Variants in LRPPRC observed in about 807,000 individuals in gnomAD.
LRPPRC encodes leucine-rich PPR motif-containing protein, mitochondrial.
In LRPPRC, 120 loss-of-function variants were observed where a neutral mutation model predicts 180.3. The ratio of observed to expected loss-of-function variants is 0.67; its 90% CI spans 0.57 to 0.77. LRPPRC has a LOEUF of 0.77. Ranked by LOEUF, LRPPRC falls within the 30% of genes least tolerant of loss-of-function variation. The probability of loss-of-function intolerance (pLI) is 0.00; values close to 1 mark genes in which losing one functional copy is unlikely to be tolerated. For synonymous variants in LRPPRC, 723 were observed against 600.0 expected, an observed-to-expected ratio of 1.21 and a Z score of -3.00; for missense variants, 2,012 against 1,657.2, an observed-to-expected ratio of 1.21 and a Z score of -3.72.
At chr2:43,980,598 GAGAA>G (rs887472271) in intron 2 of LRPPRC, among the ~76,000 whole-genome samples, 3 of 116,376 alleles carry the variant, frequency 2.6e-5, no homozygotes, top group Admixed American at 8.4e-5. Context: ...GAGAGAGAGA[GAGAA>G]AGAAAGAATA....
Position 43,992,585 on chromosome 2 carries a change from A to T in LRPPRC, c.149+3214T>A, listed in dbSNP as rs550009959. ...AAATGACATGATCAAATTATCAGGGAGACTAGGGAATGATGAAGGGGCTGG... is the reference window on the plus strand; with the variant it reads ...AAATGACATGATCAAATTATCAGGGTGACTAGGGAATGATGAAGGGGCTGG... On this transcript the variant is annotated intron_variant, in intron 1 of 37. Transcript: ENST00000260665. 2.6e-5 allele frequency among the ~76,000 whole-genome samples: 4 copies of T among 152,334 alleles called. No homozygotes were observed. The South Asian group carries it at 8.3e-4, about 32-fold the overall frequency.
chr2:43,949,826 AAAT>A (rs1429334475), intron 15 of LRPPRC, among the ~76,000 whole-genome samples, 167 bp from the exon 16 acceptor site: 3 of 152,196 alleles, frequency 2.0e-5, no homozygotes, highest in African/African-American at 7.2e-5. Flanking sequence ...TTTTGTTTTT[AAAT>A]AATAGGTTTG....
At chr2:43,974,789 A>C in intron 7 of LRPPRC, 31 bp from the exon 8 acceptor site, 1 of 1,605,822 alleles carries the variant, frequency 6.2e-7, no homozygotes, top group Non-Finnish European at 8.5e-7. Context: ...TAGAAGACAA[A>C]GTTAGAGTGT....
At chr2:43,970,717 C>A (rs1269091979) in intron 11 of LRPPRC, among the ~76,000 whole-genome samples, 4 of 152,230 alleles carry the variant, frequency 2.6e-5, no homozygotes, top group Non-Finnish European at 5.9e-5. Flanking sequence ...GCCTGAACAA[C>A]TTTCACCAAC....
intron 1 of LRPPRC, among the ~76,000 whole-genome samples, chr2:43,984,427 C>T (rs953101615): frequency 3.3e-5 from 5 of 152,168 alleles, no homozygotes; most frequent in African/African-American, 4.8e-5. Flanking sequence ...TAAACTAGCA[C>T]ATTGTTCTGA....
chr2:43,995,647 G>A (rs1559081760), intron 1 of LRPPRC, 152 bp downstream of exon 1: 2 of 709,018 alleles, frequency 2.8e-6, no homozygotes, highest in Non-Finnish European at 2.0e-6. Flanking sequence ...GAAAACCCCT[G>A]GTAGGGAGCG....
chr2:43,901,651 T>C (rs2104993741), intron 31 of LRPPRC, 127 bp from the exon 32 acceptor site: 1 of 685,702 alleles, frequency 1.5e-6, no homozygotes, highest in East Asian at 2.7e-5. Context: ...TAATTAATTT[T>C]AGATTACAGA....
chr2:43,912,097 G>A (rs1334777341), intron 30 of LRPPRC, among the ~76,000 whole-genome samples: 3 of 152,098 alleles, frequency 2.0e-5, no homozygotes, highest in Non-Finnish European at 4.4e-5. Context: ...GTTTTCTCAG[G>A]CTGCTCCCAC....
intron 31 of LRPPRC, 31 bp downstream of exon 31, chr2:43,905,661 T>A (rs1481443090): frequency 6.8e-7 from 1 of 1,478,204 alleles, no homozygotes; most frequent in Non-Finnish European, 9.5e-7. Context: ...GAGGCATTAA[T>A]GTGACGTAAA....
intron 18 of LRPPRC, 98 bp downstream of exon 18, chr2:43,948,021 ATTT>A: frequency 1.2e-6 from 1 of 862,858 alleles, no homozygotes; most frequent in Non-Finnish European, 1.9e-6. Flanking sequence ...ATTGAAACAA[ATTT>A]TTTTTCTGAC....
chr2:43,925,510 T>C (rs1161286903), intron 26 of LRPPRC, among the ~76,000 whole-genome samples: 2 of 152,170 alleles, frequency 1.3e-5, no homozygotes, highest in Admixed American at 6.5e-5. Context: ...CTTTACACTC[T>C]TCTTGCCCTG....
intron 1 of LRPPRC, among the ~76,000 whole-genome samples, chr2:43,986,538 T>C (rs1674534204): frequency 6.6e-6 from 1 of 152,206 alleles, no homozygotes; most frequent in East Asian, 1.9e-4. Context: ...TAGATACAGG[T>C]AGAAGACAGA....
rs765058457 is a variant in LRPPRC at position 43,982,427 on chromosome 2, G to A, written c.157C>T (p.Leu53=). The change falls in exon 2 of 38, where the codon CTG becomes TTG. Residue 53 remains leucine (L), a synonymous_variant. Coordinates refer to ENST00000260665, the MANE Select transcript of LRPPRC (RefSeq NM_133259.4). ...ARAGPVAGGL[L]SPARLYAIAA... Reference sequence around the variant, plus strand: ...ATGGCATACAGCCTGGCTGGGCTCAGTAGTCCTCTAAAAAATGAAACATAA... The same window carrying A: ...ATGGCATACAGCCTGGCTGGGCTCAATAGTCCTCTAAAAAATGAAACATAA... 3 of 1,611,506 alleles carry A rather than the reference G, an allele frequency of 1.9e-6. No individual in the cohort carries two copies. The highest frequency in any genetic ancestry group is 2.5e-6 in the Non-Finnish European group (3 of 1,177,708).
intron 1 of LRPPRC, among the ~76,000 whole-genome samples, chr2:43,995,163 C>G (rs1255774775): frequency 1.3e-5 from 2 of 152,168 alleles, no homozygotes; most frequent in Non-Finnish European, 1.5e-5. Context: ...ATCGCTTGAA[C>G]CCGGGAAGCG....
At chr2:43,988,461 G>A (rs1022205375) in intron 1 of LRPPRC, among the ~76,000 whole-genome samples, 4 of 152,074 alleles carry the variant, frequency 2.6e-5, no homozygotes, top group Admixed American at 2.0e-4. Context: ...GCTTGAACCT[G>A]GGAGGCAGAG....
At chr2:43,937,452 A>G (rs2105065539) in intron 23 of LRPPRC, among the ~76,000 whole-genome samples, 1 of 152,342 alleles carries the variant, frequency 6.6e-6, no homozygotes, top group Non-Finnish European at 1.5e-5. Flanking sequence ...CATTCCCCAC[A>G]TAATTTATGT....
At position 43,887,142 on chromosome 2, in the gene LRPPRC, TCAAA is replaced by T. The variant is rs1670296379; in HGVS notation, c.*1454_*1457del. 1.2e-4 allele frequency: 3 copies of T among 25,800 alleles called. No homozygotes were observed. Among genetic ancestry groups the T allele is most frequent in the African/African-American group, 2.5e-4 (3 of 11,960 alleles). 1.6% of individuals were successfully genotyped at this position (25,800 alleles called of 1,614,324 possible). Reference sequence around the variant, plus strand: ...GCTTAAGCAACAGAGCAAGACTATCTCAAAAAAAAAAAAAAAAAAAAAGATGCTT... The same window carrying T: ...GCTTAAGCAACAGAGCAAGACTATCTAAAAAAAAAAAAAAAAAAGATGCTT... On this transcript the variant is annotated 3_prime_UTR_variant, in exon 38 of 38. Coordinates refer to ENST00000260665, the MANE Select transcript of LRPPRC (RefSeq NM_133259.4).
At chr2:43,995,376 A>T (rs754831194) in intron 1 of LRPPRC, among the ~76,000 whole-genome samples, 1 of 152,226 alleles carries the variant, frequency 6.6e-6, no homozygotes, top group Admixed American at 6.5e-5. Context: ...GCAAAAAGCT[A>T]AATTTCCAAT....
intron 14 of LRPPRC, among the ~76,000 whole-genome samples, chr2:43,956,323 A>G (rs1446570046): frequency 6.6e-6 from 1 of 152,208 alleles, no homozygotes; most frequent in Non-Finnish European, 1.5e-5. Context: ...CATGGACTAC[A>G]TATATCAGAT....
Sources: allele counts gnomAD v4.1 joint callset (sites outside exome capture counted in the v4.1 genomes callset), GRCh38; gene constraint gnomAD v4.1.1; transcripts MANE v1.5; gene names NCBI Gene and HGNC (gene_info 2026-07-23, HGNC 2026-07-21).